Variants in EDIL3 observed in about 807,000 individuals in gnomAD.
EDIL3 encodes EGF-like repeat and discoidin I-like domain-containing protein 3.
EDIL3 carries 37 observed loss-of-function variants against 67.4 expected under a neutral mutation model. That is an observed-to-expected ratio of 0.55 (90% CI 0.42 to 0.72). The LOEUF (loss-of-function observed/expected upper bound fraction) is 0.72. Among genes scored for constraint, EDIL3 ranks in the 30% least tolerant of loss-of-function variants. The pLI is 0.00. For missense variants in EDIL3, 527 were observed against 586.3 expected (o/e 0.90, Z 1.04); for synonymous variants, 195 against 196.3 (o/e 0.99, Z 0.05).
chr5:83,970,622 A>G (rs913750695), intron 9 of EDIL3, among the ~76,000 whole-genome samples: 4 of 139,284 alleles, frequency 2.9e-5, no homozygotes, highest in Non-Finnish European at 6.1e-5. Flanking sequence ...ATGTGTATAC[A>G]TAATGTGACA....
intron 9 of EDIL3, among the ~76,000 whole-genome samples, chr5:84,004,189 G>T (rs1179620637): frequency 6.6e-6 from 1 of 152,104 alleles, no homozygotes; most frequent in African/African-American, 2.4e-5. Flanking sequence ...AGTTCTTAGA[G>T]ACTTACGAAG....
At chr5:84,169,697 T>G (rs2112347452) in intron 4 of EDIL3, among the ~76,000 whole-genome samples, 1 of 151,538 alleles carries the variant, frequency 6.6e-6, no homozygotes, top group South Asian at 2.1e-4. Flanking sequence ...GAGATTTATC[T>G]AAGTTGTTGT....
intron 1 of EDIL3, among the ~76,000 whole-genome samples, chr5:84,275,898 G>C (rs1745576062): frequency 6.6e-6 from 1 of 152,192 alleles, no homozygotes; most frequent in African/African-American, 2.4e-5. Context: ...TTGTCACATA[G>C]ATCTATTAAC....
chr5:84,229,885 C>G lies in EDIL3; in HGVS notation c.197-1G>C. 1.9e-6 allele frequency: 3 copies of G among 1,581,538 alleles called. No individual in the cohort carries two copies. The highest frequency in any genetic ancestry group is 2.6e-6 in the Non-Finnish European group (3 of 1,163,644). On this transcript the variant is annotated splice_acceptor_variant, in intron 2 of 10. Transcript: ENST00000296591. LOFTEE classifies it high-confidence loss of function. ...GAAGTTGGTTCTTCTTCATCTGATGCTATGATAAGAGGAAAAGGTGAAATG... is the reference window on the plus strand; with the variant it reads ...GAAGTTGGTTCTTCTTCATCTGATGGTATGATAAGAGGAAAAGGTGAAATG...
chr5:84,116,765 G>A (rs1230673764), intron 5 of EDIL3, among the ~76,000 whole-genome samples: 1 of 152,090 alleles, frequency 6.6e-6, no homozygotes. Flanking sequence ...AACAAAGGAT[G>A]CTTTACCAAT....
At chr5:84,230,028 G>T in intron 2 of EDIL3, 144 bp from the exon 3 acceptor site, 1 of 692,972 alleles carries the variant, frequency 1.4e-6, no homozygotes, top group Non-Finnish European at 2.3e-6. Context: ...ACAAGCCCCT[G>T]ACTTGTAATT....
chr5:84,070,623 G>C (rs1746723190), intron 6 of EDIL3, among the ~76,000 whole-genome samples: 1 of 149,120 alleles, frequency 6.7e-6, no homozygotes. Flanking sequence ...GTGTGTGTGT[G>C]TGTGTGTGTG....
intron 2 of EDIL3, among the ~76,000 whole-genome samples, chr5:84,234,747 G>A (rs1299491898): frequency 6.6e-6 from 1 of 152,006 alleles, no homozygotes; most frequent in African/African-American, 2.4e-5. Context: ...GTGACTTATT[G>A]ATCCTTTTGT....
chr5:84,282,992 A>C (rs2112109423), intron 1 of EDIL3, among the ~76,000 whole-genome samples: 1 of 152,264 alleles, frequency 6.6e-6, no homozygotes, highest in Middle Eastern at 3.4e-3. Flanking sequence ...ACCTGATCAA[A>C]TGTTACGTAG....
intron 9 of EDIL3, among the ~76,000 whole-genome samples, chr5:84,012,227 A>G (rs898950893): frequency 6.6e-6 from 1 of 152,192 alleles, no homozygotes; most frequent in African/African-American, 2.4e-5. Context: ...GACTGGCTGA[A>G]ACAGTAAGTT....
At chr5:84,147,727 T>TAA (rs561880239) in intron 4 of EDIL3, among the ~76,000 whole-genome samples, 2 of 144,728 alleles carry the variant, frequency 1.4e-5, no homozygotes, top group African/African-American at 5.0e-5. Flanking sequence ...GACCTTAACT[T>TAA]AAAAAAAAAA....
At chr5:84,243,276 C>T (rs758848680) in intron 2 of EDIL3, among the ~76,000 whole-genome samples, 27 of 152,254 alleles carry the variant, frequency 1.8e-4, no homozygotes, top group Non-Finnish European at 2.2e-4. Context: ...AGCTTTACTA[C>T]GGTAGTTGTG....
At chr5:84,357,063 TACAGGCACCC>T (rs1747503914) in intron 1 of EDIL3, among the ~76,000 whole-genome samples, 2 of 151,694 alleles carry the variant, frequency 1.3e-5, no homozygotes, top group Admixed American at 6.6e-5. Flanking sequence ...TAGCTGGGAT[TACAGGCACCC>T]ACCACCACAC....
chr5:84,287,088 G>A (rs912245111), intron 1 of EDIL3, among the ~76,000 whole-genome samples: 1 of 152,178 alleles, frequency 6.6e-6, no homozygotes, highest in African/African-American at 2.4e-5. Flanking sequence ...CACATAATGG[G>A]AGATGCAGAG....
chr5:84,066,308 T>C (rs1412346722), intron 7 of EDIL3, 143 bp downstream of exon 7: 4 of 863,730 alleles, frequency 4.6e-6, no homozygotes, highest in Non-Finnish European at 1.6e-6. Context: ...ACTTCCTTCA[T>C]CACACTAGCC....
intron 1 of EDIL3, among the ~76,000 whole-genome samples, chr5:84,364,098 AT>A (rs1462222908): frequency 6.6e-6 from 1 of 152,170 alleles, no homozygotes; most frequent in Non-Finnish European, 1.5e-5. Flanking sequence ...ACTACTTCCA[AT>A]TTTGCCTGAT....
At chr5:84,256,352 A>T (rs1174342687) in intron 1 of EDIL3, among the ~76,000 whole-genome samples, 1 of 152,166 alleles carries the variant, frequency 6.6e-6, no homozygotes, top group Non-Finnish European at 1.5e-5. Context: ...GAACAATTAC[A>T]ATTATACTAC....
At chr5:84,313,449 A>G (rs1252045161) in intron 1 of EDIL3, among the ~76,000 whole-genome samples, 1 of 152,244 alleles carries the variant, frequency 6.6e-6, no homozygotes, top group Non-Finnish European at 1.5e-5. Flanking sequence ...TCTAAAGTAA[A>G]GGAAAAGAGC....
chr5:84,122,477 C>T (rs1747793442), intron 5 of EDIL3, among the ~76,000 whole-genome samples: 1 of 151,864 alleles, frequency 6.6e-6, no homozygotes, highest in Non-Finnish European at 1.5e-5. Context: ...TCGTCGTTTA[C>T]ATTAGGTATA....
Sources: allele counts gnomAD v4.1 joint callset (sites outside exome capture counted in the v4.1 genomes callset), GRCh38; gene constraint gnomAD v4.1.1; transcripts MANE v1.5; gene names NCBI Gene and HGNC (gene_info 2026-07-23, HGNC 2026-07-21).